The following MYRIP variants were observed in gnomAD, a reference collection of about 807,000 sequenced individuals.
The protein encoded by MYRIP is rab effector MyRIP.
A neutral mutation model predicts 98.0 loss-of-function variants in MYRIP; 49 were observed. The observed-to-expected ratio is 0.50, with a 90% CI of 0.40 to 0.63. The LOEUF is 0.63. MYRIP is among the 30% of genes least tolerant of loss of function. The probability of loss-of-function intolerance (pLI) is 0.00; values close to 1 mark genes in which losing one functional copy is unlikely to be tolerated. For synonymous variants in MYRIP, 404 were observed against 409.5 expected, an observed-to-expected ratio of 0.99 and a Z score of 0.16; for missense variants, 1,004 against 1,058.2, an observed-to-expected ratio of 0.95 and a Z score of 0.71.
intron 10 of MYRIP, among the ~76,000 whole-genome samples, chr3:40,202,362 A>G (rs1281164679): frequency 6.6e-6 from 1 of 152,126 alleles, no homozygotes; most frequent in Non-Finnish European, 1.5e-5. Context: ...GGTTGCTTTT[A>G]TAAGGAAGAT....
At chr3:39,980,171 G>GA (rs1945855163) in intron 2 of MYRIP, among the ~76,000 whole-genome samples, 1 of 152,114 alleles carries the variant, frequency 6.6e-6, no homozygotes, top group African/African-American at 2.4e-5. Context: ...TCGGGAAGAG[G>GA]AGTGTCCGAA....
intron 9 of MYRIP, among the ~76,000 whole-genome samples, chr3:40,182,621 A>G (rs1175771720): frequency 1.3e-5 from 2 of 152,154 alleles, no homozygotes; most frequent in Admixed American, 6.5e-5. Flanking sequence ...ATCATATTCT[A>G]TGCTCTGTGC....
intron 2 of MYRIP, among the ~76,000 whole-genome samples, chr3:39,903,266 C>A (rs1943787288): frequency 1.3e-5 from 2 of 152,128 alleles, no homozygotes; most frequent in Admixed American, 1.3e-4. Flanking sequence ...GTGAAAGAAT[C>A]TAGGAGGTAG....
At chr3:39,927,869 G>A (rs9837807) in intron 2 of MYRIP, among the ~76,000 whole-genome samples, 56,213 of 151,804 alleles carry the variant, frequency 0.37, 10,727 homozygotes, top group East Asian at 0.46. Flanking sequence ...TGGAATGCAC[G>A]GTTGATTCAA....
intron 2 of MYRIP, among the ~76,000 whole-genome samples, chr3:40,029,999 G>T (rs1470633289): frequency 6.6e-6 from 1 of 152,044 alleles, no homozygotes; most frequent in Non-Finnish European, 1.5e-5. Context: ...GTCCAAGGCT[G>T]CAGTGAGCTA....
Position 40,251,908 on chromosome 3 carries a change from C to G in MYRIP, c.2456C>G (p.Thr819Ser). Reference sequence around the variant, plus strand: ...GAAAAAATTGAGACATCTTCAGTGACTACCATTAAAACATTTAACCACAAC... The same window carrying G: ...GAAAAAATTGAGACATCTTCAGTGAGTACCATTAAAACATTTAACCACAAC... The part of the protein sequence containing the change: ...KAEKIETSSV[T>S]TIKTFNHNFI... The change falls in exon 16 of 17, where the codon ACT (threonine) becomes AGT (serine). Residue 819 changes from threonine (T) to serine (S), a missense_variant. By Grantham distance (58) the Thr-to-Ser change is moderately conservative (BLOSUM62 1). Around this residue, in one of 3 missense-constraint regions of MYRIP, gnomAD observed 108 missense variants for 111.1 expected, o/e 0.97. Transcript: ENST00000302541. 1.2e-6 allele frequency: 2 copies of G among 1,613,326 alleles called. No individual in the cohort carries two copies. The highest frequency in any genetic ancestry group is 1.7e-6 in the Non-Finnish European group (2 of 1,179,328).
chr3:40,069,157 C>T (rs73063943), intron 3 of MYRIP, among the ~76,000 whole-genome samples: 22,987 of 152,116 alleles, frequency 0.15, 1,685 homozygotes, highest in East Asian at 0.2. Flanking sequence ...AGTAACACTA[C>T]TCCTTTGGGA....
At chr3:40,176,547 C>A (rs993684472) in intron 8 of MYRIP, among the ~76,000 whole-genome samples, 8 of 151,980 alleles carry the variant, frequency 5.3e-5, no homozygotes, top group African/African-American at 1.9e-4. Context: ...GCTAGAAATT[C>A]GAGACCAGCC....
intron 1 of MYRIP, among the ~76,000 whole-genome samples, chr3:39,811,782 G>C (rs558079876): frequency 5.3e-4 from 80 of 152,148 alleles, no homozygotes; most frequent in African/African-American, 1.9e-3. Flanking sequence ...TGCGTGTATG[G>C]TGGTAGAAGG....
chr3:40,181,777 T>C (rs1364511391), intron 8 of MYRIP, among the ~76,000 whole-genome samples: 2 of 152,178 alleles, frequency 1.3e-5, no homozygotes, highest in African/African-American at 4.8e-5. Context: ...CTTCCTTTAA[T>C]TTAGGAGCTA....
intron 3 of MYRIP, among the ~76,000 whole-genome samples, chr3:40,128,566 A>G (rs1949569779): frequency 6.6e-6 from 1 of 152,190 alleles, no homozygotes; most frequent in Non-Finnish European, 1.5e-5. Flanking sequence ...CCAGGGGTTG[A>G]GATATTTGTA....
chr3:39,853,127 A>G (rs80114659), intron 1 of MYRIP, among the ~76,000 whole-genome samples: 3,091 of 152,258 alleles, frequency 0.02, 92 homozygotes, highest in East Asian at 0.13. Flanking sequence ...TAGCATATGT[A>G]TACTACATTT....
rs1940723648 is a variant in MYRIP, at chr3:39,812,366, T to C, written c.-31+2450T>C. On this transcript the variant is annotated intron_variant, in intron 1 of 16. Transcript: ENST00000302541. ...AATAAATGCAATCCAAGAGTAGTTA[T>C]ACTTAAGCCAGTACAGAAAAATAGA... is the stretch of plus-strand genomic sequence containing the variant. Among the ~76,000 whole-genome samples the C allele has an allele frequency of 2.0e-5, 3 of 152,254 alleles. No individual in the cohort carries two copies. In the South Asian group the frequency reaches 6.2e-4, roughly 31 times the overall value.
chr3:40,093,627 C>T (rs569932092), intron 3 of MYRIP, among the ~76,000 whole-genome samples: 4 of 152,326 alleles, frequency 2.6e-5, no homozygotes, highest in Admixed American at 2.0e-4. Flanking sequence ...CAGCTAGCAG[C>T]TCCTGCTCTC....
rs56005145 is a variant in MYRIP, at chr3:40,116,539, C to T, written c.333-34509C>T. Among the ~76,000 whole-genome samples the T allele has an allele frequency of 7.3e-3, 1,114 of 152,318 alleles. 13 individuals carry two copies. Among genetic ancestry groups the T allele is most frequent in the African/African-American group, 0.025 (1,034 of 41,586 alleles). Reference sequence around the variant, plus strand: ...CTCATTGCTTTCAACACTTTATTTTCTCTGAATTCAGCAGTCTTCACCTCA... The same window carrying T: ...CTCATTGCTTTCAACACTTTATTTTTTCTGAATTCAGCAGTCTTCACCTCA... On this transcript the variant is annotated intron_variant, in intron 3 of 16. Transcript: ENST00000302541.
At position 40,234,040 on chromosome 3, in the gene MYRIP, C is replaced by T. The variant is rs773678497; in HGVS notation, c.2087C>T (p.Ser696Phe). 1 of 1,602,418 alleles carries T rather than the reference C, an allele frequency of 6.2e-7. No individual in the cohort carries two copies. Among genetic ancestry groups the T allele is most frequent in the South Asian group, 1.1e-5 (1 of 88,598 alleles). ...GTGAGACTGGATGAGCAGCTGACTT[C>T]CCTGGAAGAAAATGTAAGAGGGTAT... ...DQVRLDEQLTSLEENVYLAAG... is the reference protein window; with the variant it reads ...DQVRLDEQLTFLEENVYLAAG... The change falls in exon 12 of 17, where the codon TCC becomes TTC. Residue 696 changes from serine to phenylalanine, a missense_variant. Around this residue, in one of 3 missense-constraint regions of MYRIP, gnomAD observed 880 missense variants for 907.7 expected, o/e 0.97. Transcript: ENST00000302541.
At chr3:40,232,920 A>G (rs1485266509) in intron 11 of MYRIP, 3 of 152,208 alleles carry the variant, frequency 2.0e-5, no homozygotes. Flanking sequence ...ACATAACATG[A>G]TATTCAGAGG....
At chr3:40,143,375 A>AT (rs1380857142) in intron 3 of MYRIP, among the ~76,000 whole-genome samples, 47 of 152,326 alleles carry the variant, frequency 3.1e-4, no homozygotes, top group Admixed American at 3.0e-3. Context: ...ACCAGGGAGC[A>AT]GTACACTTAG....
chr3:40,005,188 G>A (rs74282061), intron 2 of MYRIP, among the ~76,000 whole-genome samples: 11,223 of 152,108 alleles, frequency 0.074, 593 homozygotes, highest in East Asian at 0.17. Context: ...ACCACTGATG[G>A]GCACCTAGAT....
Sources: gnomAD v4.1 joint callset for allele counts (sites outside exome capture counted in the v4.1 genomes callset) on GRCh38, gnomAD v4.1.1 for gene constraint, gnomAD v4.1.1 regional missense constraint, MANE v1.5 for transcripts, NCBI Gene and HGNC (gene_info 2026-07-23, HGNC 2026-07-21) for gene names.